ELFN2: variants seen among roughly 807,000 people sequenced by gnomAD.
ELFN2 encodes the protein protein phosphatase 1 regulatory subunit 29.
ELFN2 carries 17 observed loss-of-function variants against 45.5 expected under a neutral mutation model. The observed-to-expected ratio is 0.37, with a 90% CI of 0.26 to 0.56. The LOEUF is 0.56. Among genes scored for constraint, ELFN2 ranks in the 20% least tolerant of loss-of-function variants. The pLI is 0.77. For missense variants in ELFN2, 922 were observed against 1,183.2 expected (o/e 0.78, Z 3.24); for synonymous variants, 550 against 551.5 (o/e 1.00, Z 0.04).
chr22:37,378,456 A>T (rs1444352960), intron 2 of ELFN2, among the ~76,000 whole-genome samples: 1 of 152,212 alleles, frequency 6.6e-6, no homozygotes, highest in African/African-American at 2.4e-5. Context: ...CTGCCAAAGG[A>T]TGCGAAGAGG....
chr22:37,416,376 C>T (rs1461660346), intron 2 of ELFN2, among the ~76,000 whole-genome samples: 3 of 152,154 alleles, frequency 2.0e-5, no homozygotes, highest in African/African-American at 7.2e-5. Context: ...AGTCACTTCC[C>T]GTCTGATTCC....
Position 37,375,741 on chromosome 22 carries a change from TG to T in ELFN2, c.-208del. The T allele has an allele frequency of 1.6e-6, 1 of 625,346 alleles. No individual in the cohort carries two copies. Among genetic ancestry groups the T allele is most frequent in the Non-Finnish European group, 2.8e-6 (1 of 362,640 alleles). The allele number at this position is 625,346 out of a possible 1,614,324, so 38.7% of individuals were successfully genotyped here. On this transcript the variant is annotated 5_prime_UTR_variant, in exon 3 of 3. Transcript: ENST00000402918. Reference sequence around the variant, plus strand: ...AGCAGGCACTAGGCCTGGCTAGGGCTGGGGGTGGGGGCCCCACAGCCTGCTC... The same window carrying T: ...AGCAGGCACTAGGCCTGGCTAGGGCTGGGGTGGGGGCCCCACAGCCTGCTC...
At chr22:37,359,094 G>A (rs537176197) in intron 1 of ELFN2, among the ~76,000 whole-genome samples, 5 of 152,256 alleles carry the variant, frequency 3.3e-5, no homozygotes, top group South Asian at 2.1e-4. Context: ...TCAGTGAGTC[G>A]ACACTTTAGC....
intron 2 of ELFN2, among the ~76,000 whole-genome samples, chr22:37,398,095 T>C (rs1319695789): frequency 6.6e-6 from 1 of 152,108 alleles, no homozygotes; most frequent in Non-Finnish European, 1.5e-5. Context: ...TCACAGTGAC[T>C]CTGGGAGGCT....
In ELFN2 at chr22:37,373,396, G is replaced by T; in HGVS notation, c.2139C>A (p.Pro713=). Residue 713 remains proline (P), a synonymous_variant, in exon 3 of 3, where the codon CCC becomes CCA. Coordinates refer to ENST00000402918, the MANE Select transcript of ELFN2 (RefSeq NM_052906.5). The part of the protein sequence containing the change: ...YHCSEHRHSF[P]ALYYEEGADS... ...CGGCACCCTCCTCGTAGTACAGGGC[G>T]GGAAAGCTGTGCCGGTGCTCGCTGC... 1.2e-6 allele frequency: 2 copies of T among 1,604,808 alleles called. No individual in the cohort carries two copies.
intron 2 of ELFN2, among the ~76,000 whole-genome samples, chr22:37,380,417 C>T (rs1931721887): frequency 6.6e-6 from 1 of 152,330 alleles, no homozygotes; most frequent in African/African-American, 2.4e-5. Flanking sequence ...GACACACACG[C>T]TCAGTCCAGG....
intron 2 of ELFN2, among the ~76,000 whole-genome samples, chr22:37,402,806 A>G (rs1001249308): frequency 1.3e-5 from 2 of 152,146 alleles, no homozygotes; most frequent in African/African-American, 2.4e-5. Context: ...GGCTGAGCAG[A>G]AGCCAGAGCA....
chr22:37,391,993 G>A (rs1253495342), intron 2 of ELFN2, among the ~76,000 whole-genome samples: 1 of 152,180 alleles, frequency 6.6e-6, no homozygotes, highest in Non-Finnish European at 1.5e-5. Flanking sequence ...TCTGCCCCAC[G>A]CACCTGCTGC....
chr22:37,343,453 C>T (rs572183142), intron 1 of ELFN2, among the ~76,000 whole-genome samples: 1 of 152,230 alleles, frequency 6.6e-6, no homozygotes, highest in South Asian at 2.1e-4. Context: ...GCCTCTCCCA[C>T]TCCAGGCTGC....
intron 1 of ELFN2, among the ~76,000 whole-genome samples, chr22:37,347,560 G>T (rs554438005): frequency 6.6e-6 from 1 of 151,760 alleles, no homozygotes. Context: ...GCCTGCAGCC[G>T]CACCCTCCAT....
At chr22:37,403,333 TAGG>T (rs763176211) in intron 2 of ELFN2, among the ~76,000 whole-genome samples, 35 of 151,914 alleles carry the variant, frequency 2.3e-4, no homozygotes, top group South Asian at 4.2e-4. Flanking sequence ...CTTCCCAATT[TAGG>T]AGGAGTCCCC....
At chr22:37,389,184 C>G (rs1312434914) in intron 2 of ELFN2, among the ~76,000 whole-genome samples, 2 of 152,080 alleles carry the variant, frequency 1.3e-5, no homozygotes, top group African/African-American at 4.8e-5. Context: ...CTGAAGTGTG[C>G]CCCAGAGAGG....
intron 2 of ELFN2, among the ~76,000 whole-genome samples, chr22:37,385,754 C>G (rs1456715183): frequency 6.6e-6 from 1 of 152,182 alleles, no homozygotes; most frequent in African/African-American, 2.4e-5. Flanking sequence ...TTGACCCCTG[C>G]CTGACCTCGA....
At chr22:37,341,429 A>G (rs1427211344) in intron 2 of ELFN2, among the ~76,000 whole-genome samples, 1 of 152,140 alleles carries the variant, frequency 6.6e-6, no homozygotes, top group African/African-American at 2.4e-5. Flanking sequence ...CTCTGGGCCA[A>G]GCCCACTGTG....
At chr22:37,361,990 AG>A (rs1480126353) in intron 1 of ELFN2, among the ~76,000 whole-genome samples, 1 of 152,178 alleles carries the variant, frequency 6.6e-6, no homozygotes, top group Admixed American at 6.5e-5. Context: ...TCCCACACGC[AG>A]CTACTCCTTG....
In ELFN2 at chr22:37,375,528, G is replaced by A. The variant is rs1470453905; in HGVS notation, c.7C>T (p.Arg3Cys). ...AGCGCCGCCGCGCACAGCCCCAGGC[G>A]CAGCATGGCGCTGGCCTCGGAGTGA... Reference protein sequence around the residue: MLRLGLCAAALLC... With the variant: MLCLGLCAAALLC... Residue 3 changes from arginine (R) to cysteine (C), a missense_variant, in exon 3 of 3, where the codon CGC (arginine) becomes TGC (cysteine). Arg to Cys is a radical substitution (Grantham distance 180). Transcript: ENST00000402918. 30 of 1,550,058 alleles carry A rather than the reference G, an allele frequency of 1.9e-5. No homozygotes were observed. Among genetic ancestry groups the A allele is most frequent in the Non-Finnish European group, 2.5e-5 (29 of 1,147,108 alleles).
chr22:37,375,578 C>T lies in ELFN2; in HGVS notation c.-44G>A, dbSNP rs1480823257. On this transcript the variant is annotated 5_prime_UTR_variant, in exon 3 of 3. Coordinates refer to ENST00000402918, the MANE Select transcript of ELFN2 (RefSeq NM_052906.5). The stretch of plus-strand genomic sequence containing the variant: ...AGGGGCCAGGGCAAGGCAGGGGGTG[C>T]CTAGCGGCCAGAGGCTGGGGCTGGC... The T allele has an allele frequency of 6.7e-7, 1 of 1,491,160 alleles. No individual in the cohort carries two copies. Among genetic ancestry groups the T allele is most frequent in the Non-Finnish European group, 8.9e-7 (1 of 1,120,330 alleles). The allele number at this position is 1,491,160 out of a possible 1,614,324, so 92.4% of individuals were successfully genotyped here. A position where few individuals can be genotyped will look rare whatever the true frequency, so the allele number is the denominator to read the frequency against.
intron 2 of ELFN2, among the ~76,000 whole-genome samples, chr22:37,412,333 A>C (rs1203286984): frequency 3.3e-5 from 5 of 151,476 alleles, no homozygotes; most frequent in African/African-American, 1.2e-4. Context: ...AAGCAAACTG[A>C]GGCCAGCACA....
intron 2 of ELFN2, among the ~76,000 whole-genome samples, chr22:37,341,738 T>G (rs967776090): frequency 1.3e-5 from 2 of 152,186 alleles, no homozygotes; most frequent in African/African-American, 4.8e-5. Flanking sequence ...AAGCACTGGT[T>G]CAGAAGCCAG....
Sources: gnomAD v4.1 joint callset for allele counts (sites outside exome capture counted in the v4.1 genomes callset) on GRCh38, gnomAD v4.1.1 for gene constraint, MANE v1.5 for transcripts, NCBI Gene and HGNC (gene_info 2026-07-23, HGNC 2026-07-21) for gene names.